Variants in MACROD2 observed in about 807,000 individuals in gnomAD.
MACROD2 encodes mono-ADP ribosylhydrolase 2.
In MACROD2, 36 loss-of-function variants were observed where a neutral mutation model predicts 70.4. That is an observed-to-expected ratio of 0.51 (90% CI 0.39 to 0.68). The LOEUF is 0.68. Among genes scored for constraint, MACROD2 ranks in the 30% least tolerant of loss-of-function variants. The pLI, the probability that MACROD2 is intolerant of heterozygous loss-of-function variation, is 0.00. For missense variants in MACROD2, 496 were observed against 538.4 expected (o/e 0.92, Z 0.78); for synonymous variants, 172 against 178.8 (o/e 0.96, Z 0.30).
intron 6 of MACROD2, among the ~76,000 whole-genome samples, chr20:15,326,253 A>T (rs2077927609): frequency 6.6e-6 from 1 of 152,102 alleles, no homozygotes; most frequent in South Asian, 2.1e-4. Flanking sequence ...CTCATATAAC[A>T]ATATTGTTGC....
At chr20:16,003,675 T>G (rs921085405) in intron 15 of MACROD2, among the ~76,000 whole-genome samples, 1 of 152,066 alleles carries the variant, frequency 6.6e-6, no homozygotes, top group Non-Finnish European at 1.5e-5. Context: ...GTCAAAATGT[T>G]GCTTTTTCTT....
At chr20:14,503,680 A>G (rs2084939123) in intron 4 of MACROD2, among the ~76,000 whole-genome samples, 1 of 152,246 alleles carries the variant, frequency 6.6e-6, no homozygotes, top group Non-Finnish European at 1.5e-5. Context: ...AAAAGCTCTC[A>G]GAAATAGCCA....
At chr20:15,424,581 G>A (rs570676564) in intron 6 of MACROD2, among the ~76,000 whole-genome samples, 41 of 152,296 alleles carry the variant, frequency 2.7e-4, no homozygotes, top group African/African-American at 9.1e-4. Context: ...TTAGCCAGAT[G>A]TGGTGATGAA....
At chr20:15,284,731 C>T (rs1056391249) in intron 6 of MACROD2, among the ~76,000 whole-genome samples, 2 of 152,030 alleles carry the variant, frequency 1.3e-5, no homozygotes, top group African/African-American at 2.4e-5. Context: ...TCCGATAGAA[C>T]GAAGTAAGGA....
intron 3 of MACROD2, among the ~76,000 whole-genome samples, chr20:14,369,611 G>A (rs534076016): frequency 1.3e-5 from 2 of 152,260 alleles, no homozygotes; most frequent in African/African-American, 2.4e-5. Flanking sequence ...TACCTACTCC[G>A]TCATCTTCAC....
At chr20:14,090,706 A>G (rs1444790168) in intron 3 of MACROD2, among the ~76,000 whole-genome samples, 1 of 152,216 alleles carries the variant, frequency 6.6e-6, no homozygotes, top group Non-Finnish European at 1.5e-5. Flanking sequence ...TACATAATCA[A>G]TAATGCTGCA....
intron 5 of MACROD2, among the ~76,000 whole-genome samples, chr20:14,862,462 AAT>A (rs1232721409): frequency 0.01 from 21 of 2,020 alleles, 4 homozygotes; most frequent in Admixed American, 0.036. Context: ...AATATATATA[AAT>A]ATATATATAT....
intron 4 of MACROD2, among the ~76,000 whole-genome samples, chr20:14,674,905 A>G (rs2070841014): frequency 6.6e-6 from 1 of 152,196 alleles, no homozygotes; most frequent in Non-Finnish European, 1.5e-5. Flanking sequence ...CTGCTTTTAG[A>G]TTAAGTTACC....
intron 5 of MACROD2, among the ~76,000 whole-genome samples, chr20:14,977,721 G>A (rs1171129873): frequency 6.6e-6 from 1 of 152,120 alleles, no homozygotes; most frequent in African/African-American, 2.4e-5. Context: ...CGATGATGAT[G>A]GCAGCAGTGA....
intron 8 of MACROD2, among the ~76,000 whole-genome samples, chr20:15,633,481 A>G (rs1006274635): frequency 1.3e-5 from 2 of 152,208 alleles, no homozygotes; most frequent in Non-Finnish European, 2.9e-5. Flanking sequence ...GCCATTCAGG[A>G]TAAGTGTTTT....
intron 3 of MACROD2, among the ~76,000 whole-genome samples, chr20:14,254,997 T>TA (rs1407907146): frequency 6.6e-6 from 1 of 152,092 alleles, no homozygotes; most frequent in Non-Finnish European, 1.5e-5. Context: ...CTCCTTCACT[T>TA]ATGAAGCTTA....
At chr20:15,315,667 T>C (rs1397375061) in intron 6 of MACROD2, among the ~76,000 whole-genome samples, 1 of 152,208 alleles carries the variant, frequency 6.6e-6, no homozygotes, top group Non-Finnish European at 1.5e-5. Context: ...AAGTTAATAG[T>C]AGACCTGCCC....
intron 10 of MACROD2, among the ~76,000 whole-genome samples, chr20:15,895,626 A>G (rs934887702): frequency 6.6e-6 from 1 of 152,218 alleles, no homozygotes; most frequent in African/African-American, 2.4e-5. Context: ...GCTTTCATAC[A>G]GGAGAGAGGG....
intron 5 of MACROD2, among the ~76,000 whole-genome samples, chr20:14,697,343 A>G (rs2071138841): frequency 1.3e-5 from 2 of 152,228 alleles, no homozygotes; most frequent in South Asian, 4.1e-4. Context: ...ATCCAACAAA[A>G]TGGTCAGAGC....
At chr20:16,018,563 C>T (rs951437295) in intron 15 of MACROD2, among the ~76,000 whole-genome samples, 1 of 152,138 alleles carries the variant, frequency 6.6e-6, no homozygotes, top group Admixed American at 6.5e-5. Context: ...CCATCTTCCC[C>T]ACCAAAATTA....
At chr20:14,236,048 C>G (rs954013348) in intron 3 of MACROD2, among the ~76,000 whole-genome samples, 5 of 151,960 alleles carry the variant, frequency 3.3e-5, no homozygotes, top group African/African-American at 1.2e-4. Context: ...AGTTACTTAG[C>G]CTATATGACG....
At chr20:15,954,483 T>G (rs1175114797) in intron 12 of MACROD2, among the ~76,000 whole-genome samples, 1 of 152,192 alleles carries the variant, frequency 6.6e-6, no homozygotes, top group Non-Finnish European at 1.5e-5. Flanking sequence ...TGTTGTTGTT[T>G]GCATGCTTTC....
intron 9 of MACROD2, among the ~76,000 whole-genome samples, chr20:15,884,096 A>G (rs973249227): frequency 9.9e-5 from 15 of 152,098 alleles, no homozygotes; most frequent in Admixed American, 6.6e-4. Context: ...AGGAAGATCA[A>G]GGTAACTTCT....
intron 7 of MACROD2, among the ~76,000 whole-genome samples, chr20:15,468,430 G>A (rs926875628): frequency 6.6e-6 from 1 of 152,150 alleles, no homozygotes; most frequent in African/African-American, 2.4e-5. Context: ...ATGCTCTGAT[G>A]ATTTCACAGT....
Sources: allele counts gnomAD v4.1 joint callset (sites outside exome capture counted in the v4.1 genomes callset), GRCh38; gene constraint gnomAD v4.1.1; transcripts MANE v1.5; gene names NCBI Gene and HGNC (gene_info 2026-07-23, HGNC 2026-07-21).